The following FHIT variants were observed in gnomAD, a reference collection of about 807,000 sequenced individuals.
FHIT encodes the protein bis(5'-adenosyl)-triphosphatase.
In FHIT, 19 loss-of-function variants were observed where a neutral mutation model predicts 17.9. The observed-to-expected ratio is 1.06, with a 90% CI of 0.74 to 1.56. The LOEUF is 1.56. FHIT is among the 40% of genes most tolerant of loss of function. The probability of loss-of-function intolerance (pLI) is 0.00; values close to 1 mark genes in which losing one functional copy is unlikely to be tolerated. For missense variants in FHIT, 248 were observed against 189.2 expected (o/e 1.31, Z -1.82); for synonymous variants, 81 against 69.7 (o/e 1.16, Z -0.81).
chr3:60,808,020 T>C (rs1266565100), intron 4 of FHIT, among the ~76,000 whole-genome samples: 1 of 152,192 alleles, frequency 6.6e-6, no homozygotes, highest in African/African-American at 2.4e-5. Flanking sequence ...GCCATGAACA[T>C]TTTTAAAACT....
At chr3:61,154,840 C>T (rs755088630) in intron 2 of FHIT, among the ~76,000 whole-genome samples, 6 of 152,228 alleles carry the variant, frequency 3.9e-5, no homozygotes, top group Non-Finnish European at 8.8e-5. Context: ...CTTGTCAAAA[C>T]AGCTTTTGAA....
At chr3:60,932,298 G>T (rs1707995912) in intron 3 of FHIT, among the ~76,000 whole-genome samples, 1 of 152,094 alleles carries the variant, frequency 6.6e-6, no homozygotes, top group African/African-American at 2.4e-5. Context: ...ATCCAAGCTG[G>T]TGTTCTGATT....
At chr3:60,161,825 C>T (rs1402193718) in intron 5 of FHIT, among the ~76,000 whole-genome samples, 1 of 152,122 alleles carries the variant, frequency 6.6e-6, no homozygotes, top group African/African-American at 2.4e-5. Context: ...CTGGGAAAAT[C>T]AATGTGCATC....
At chr3:61,044,380 T>C (rs554769047) in intron 2 of FHIT, among the ~76,000 whole-genome samples, 1 of 152,222 alleles carries the variant, frequency 6.6e-6, no homozygotes, top group East Asian at 1.9e-4. Context: ...AGAAAGGGTA[T>C]CACTGATTGA....
At chr3:61,011,766 A>C (rs1227525335) in intron 3 of FHIT, among the ~76,000 whole-genome samples, 1 of 152,180 alleles carries the variant, frequency 6.6e-6, no homozygotes, top group Admixed American at 6.5e-5. Context: ...AAAAAGTCCC[A>C]TGAGAGCAAA....
At chr3:60,065,427 G>A (rs1185722575) in intron 5 of FHIT, among the ~76,000 whole-genome samples, 1 of 152,042 alleles carries the variant, frequency 6.6e-6, no homozygotes, top group Non-Finnish European at 1.5e-5. Context: ...CATGGTGAGG[G>A]TTGAATAAGA....
chr3:60,692,582 G>A (rs2041017991), intron 4 of FHIT, among the ~76,000 whole-genome samples: 1 of 152,094 alleles, frequency 6.6e-6, no homozygotes, highest in African/African-American at 2.4e-5. Context: ...GGCAGCTTCT[G>A]GAAGGTAGGA....
At chr3:61,046,530 A>G (rs530575555) in intron 2 of FHIT, among the ~76,000 whole-genome samples, 77 of 152,334 alleles carry the variant, frequency 5.1e-4, no homozygotes, top group African/African-American at 1.8e-3. Flanking sequence ...TCCAGGACCC[A>G]GATGGATTCA....
At chr3:60,668,636 A>T (rs377022104) in intron 4 of FHIT, among the ~76,000 whole-genome samples, 1 of 135,412 alleles carries the variant, frequency 7.4e-6, no homozygotes, top group African/African-American at 2.8e-5. Flanking sequence ...ATCGCTTCTC[A>T]CTGCAAGCTC....
At chr3:61,032,125 G>A (rs923074116) in intron 3 of FHIT, among the ~76,000 whole-genome samples, 18 of 152,272 alleles carry the variant, frequency 1.2e-4, no homozygotes, top group East Asian at 3.9e-4. Context: ...TAGTTCATTC[G>A]TGTATTCCTT....
At chr3:60,204,652 A>T (rs1254044570) in intron 5 of FHIT, among the ~76,000 whole-genome samples, 1 of 152,078 alleles carries the variant, frequency 6.6e-6, no homozygotes, top group Non-Finnish European at 1.5e-5. Flanking sequence ...AGATGCTCAA[A>T]TTTAATAGAA....
chr3:59,936,014 A>G (rs527314365), intron 7 of FHIT, among the ~76,000 whole-genome samples: 5 of 152,160 alleles, frequency 3.3e-5, no homozygotes, highest in Non-Finnish European at 5.9e-5. Flanking sequence ...TTGTGTTTCT[A>G]GCCTCACATA....
intron 5 of FHIT, among the ~76,000 whole-genome samples, chr3:60,059,292 G>C (rs969737413): frequency 1.3e-5 from 2 of 152,094 alleles, no homozygotes; most frequent in East Asian, 3.9e-4. Context: ...GGTTTTCTGG[G>C]GCATTCCACT....
chr3:60,156,662 G>C (rs577060711), intron 5 of FHIT, among the ~76,000 whole-genome samples: 1 of 152,006 alleles, frequency 6.6e-6, no homozygotes, highest in East Asian at 1.9e-4. Flanking sequence ...TGAGGTGAGA[G>C]GATTACTTGA....
chr3:60,023,581 C>A (rs1051157484), intron 5 of FHIT, among the ~76,000 whole-genome samples: 2 of 152,120 alleles, frequency 1.3e-5, no homozygotes, highest in African/African-American at 4.8e-5. Context: ...GCCAATGGAG[C>A]AACCAGACAA....
intron 4 of FHIT, among the ~76,000 whole-genome samples, chr3:60,691,480 C>A (rs1351973286): frequency 1.3e-5 from 2 of 151,914 alleles, no homozygotes; most frequent in African/African-American, 4.8e-5. Context: ...GGTGATCTAC[C>A]CACCTCAGCC....
rs540884982 is a variant in FHIT, at chr3:61,078,432, G to T, written c.-163-36333C>A. Among the ~76,000 whole-genome samples, 9 of 152,124 alleles carry T rather than the reference G, an allele frequency of 5.9e-5. No individual in the cohort carries two copies. The South Asian group carries it at 1.5e-3, about 25-fold the overall frequency. ...TTTTCTTTGCTACCAAAAAAGGGGGGCCTTACCCATTCTCTCTGTGGCTTC... is the reference window on the plus strand; with the variant it reads ...TTTTCTTTGCTACCAAAAAAGGGGGTCCTTACCCATTCTCTCTGTGGCTTC... On this transcript the variant is annotated intron_variant, in intron 2 of 9. Transcript: ENST00000492590.
chr3:59,922,560 A>T, intron 7 of FHIT, 146 bp from the exon 8 acceptor site: 1 of 659,820 alleles, frequency 1.5e-6, no homozygotes, highest in East Asian at 2.7e-5. Context: ...ACCTTCGGTA[A>T]CTATACCTGA....
At chr3:60,337,479 C>T (rs1388788259) in intron 5 of FHIT, among the ~76,000 whole-genome samples, 4 of 152,158 alleles carry the variant, frequency 2.6e-5, no homozygotes, top group Non-Finnish European at 5.9e-5. Context: ...CTTAATGATG[C>T]AATCATTCTT....
Sources: gnomAD v4.1 joint callset for allele counts (sites outside exome capture counted in the v4.1 genomes callset) on GRCh38, gnomAD v4.1.1 for gene constraint, MANE v1.5 for transcripts, NCBI Gene and HGNC (gene_info 2026-07-23, HGNC 2026-07-21) for gene names.